The following DNAH8 variants were observed in gnomAD, a reference collection of about 807,000 sequenced individuals.
DNAH8 encodes axonemal beta dynein heavy chain 8.
In DNAH8, 382 loss-of-function variants were observed where a neutral mutation model predicts 562.1. The observed-to-expected ratio is 0.68, with a 90% CI of 0.63 to 0.74. The LOEUF is 0.74. Ranked by LOEUF, DNAH8 falls within the 30% of genes least tolerant of loss-of-function variation. The probability of loss-of-function intolerance (pLI) is 0.00; values close to 1 mark genes in which losing one functional copy is unlikely to be tolerated. For missense variants in DNAH8, 5,203 were observed against 5,620.4 expected, an observed-to-expected ratio of 0.93 and a Z score of 2.37; for synonymous variants, 1,881 against 1,919.4, an observed-to-expected ratio of 0.98 and a Z score of 0.52.
At chr6:38,955,709 G>A (rs1762200935) in intron 82 of DNAH8, among the ~76,000 whole-genome samples, 1 of 152,124 alleles carries the variant, frequency 6.6e-6, no homozygotes, top group African/African-American at 2.4e-5. Context: ...TCAGCAAGAT[G>A]TCTCATATCC....
At chr6:38,815,380 C>T in intron 25 of DNAH8, 88 bp from the exon 26 acceptor site, 1 of 1,080,630 alleles carries the variant, frequency 9.3e-7, no homozygotes, top group Non-Finnish European at 1.4e-6. Flanking sequence ...CGAGGCTTGC[C>T]CCACTCAGTG....
chr6:38,823,999 CA>C (rs1176027707), intron 28 of DNAH8, among the ~76,000 whole-genome samples: 1 of 152,238 alleles, frequency 6.6e-6, no homozygotes, highest in East Asian at 1.9e-4. Context: ...CCTCCACTGG[CA>C]GTCAAACAGC....
At chr6:38,932,216 A>ACACACACACACCCC (rs375631180) in intron 76 of DNAH8, among the ~76,000 whole-genome samples, 8 of 145,638 alleles carry the variant, frequency 5.5e-5, no homozygotes, top group African/African-American at 1.9e-4. Context: ...ACACACACAC[A>ACACACACACACCCC]CCCGTCTCTT....
intron 65 of DNAH8, 46 bp downstream of exon 65, chr6:38,909,790 T>C (rs1424544002): frequency 6.3e-6 from 9 of 1,437,802 alleles, no homozygotes; most frequent in African/African-American, 2.8e-5. Context: ...CCACAGCATG[T>C]ATTCCCAAGA....
chr6:38,959,432 T>C (rs1033537397), intron 82 of DNAH8, among the ~76,000 whole-genome samples: 3 of 150,684 alleles, frequency 2.0e-5, no homozygotes, highest in African/African-American at 4.9e-5. Context: ...AGTTGTAGGA[T>C]ACAAAGTCAA....
intron 87 of DNAH8, among the ~76,000 whole-genome samples, chr6:38,985,150 C>T (rs1561944127): frequency 6.6e-6 from 1 of 152,128 alleles, no homozygotes; most frequent in Non-Finnish European, 1.5e-5. Context: ...AAATAAAATC[C>T]ACATATAACA....
rs1277321887 is a variant in DNAH8 at position 38,790,307 on chromosome 6, C to T, written c.2683C>T (p.Gln895Ter). ...TTTCTAGGTGGAATCTGTGTTGAGG[C>T]AAGGACTCACAGTGTTAACATGGTC... is the stretch of plus-strand genomic sequence containing the variant. ...KMKKVESVLR[Q>*]GLTVLTWSSL... Residue 895 changes from glutamine to a stop codon, truncating the protein, a stop_gained, in exon 20 of 93, where the codon CAA becomes TAA. Transcript: ENST00000327475. LOFTEE classifies it high-confidence loss of function. 6.2e-7 allele frequency: 1 copy of T among 1,606,310 alleles called. No individual in the cohort carries two copies. The highest frequency in any genetic ancestry group is 8.5e-7 in the Non-Finnish European group (1 of 1,175,898).
At chr6:38,752,802 T>C (rs1765577712) in intron 9 of DNAH8, among the ~76,000 whole-genome samples, 1 of 152,204 alleles carries the variant, frequency 6.6e-6, no homozygotes, top group African/African-American at 2.4e-5. Context: ...AGGAATCCAT[T>C]ATCCATCAGG....
intron 21 of DNAH8, among the ~76,000 whole-genome samples, chr6:38,794,108 T>C (rs922237754): frequency 2.0e-5 from 3 of 152,218 alleles, no homozygotes; most frequent in African/African-American, 7.2e-5. Context: ...CCCAAACCTA[T>C]GTAAGGGTAA....
intron 11 of DNAH8, among the ~76,000 whole-genome samples, chr6:38,766,859 A>C (rs1474169495): frequency 6.6e-6 from 1 of 152,168 alleles, no homozygotes; most frequent in Non-Finnish European, 1.5e-5. Context: ...ATAAAACTGG[A>C]AAAAAATAAA....
intron 16 of DNAH8, among the ~76,000 whole-genome samples, chr6:38,781,734 G>A (rs1422365560): frequency 6.6e-6 from 1 of 152,168 alleles, no homozygotes; most frequent in African/African-American, 2.4e-5. Flanking sequence ...ATAGGTCACT[G>A]ATACATACTC....
intron 33 of DNAH8, 97 bp downstream of exon 33, chr6:38,838,139 C>A: frequency 1.3e-6 from 1 of 748,044 alleles, no homozygotes; most frequent in Non-Finnish European, 2.2e-6. Flanking sequence ...ATGCAGAGGA[C>A]ACTACAGCTT....
intron 1 of DNAH8, among the ~76,000 whole-genome samples, chr6:38,718,189 T>C (rs1762486513): frequency 6.6e-6 from 1 of 152,200 alleles, no homozygotes; most frequent in Admixed American, 6.5e-5. Context: ...GTCTGTGTGT[T>C]TTCTTGCTTG....
intron 83 of DNAH8, among the ~76,000 whole-genome samples, chr6:38,973,048 A>G (rs1045121213): frequency 2.0e-5 from 3 of 152,262 alleles, no homozygotes; most frequent in South Asian, 2.1e-4. Flanking sequence ...TAAAGAAACT[A>G]TGTTCTCACA....
chr6:38,983,201 G>A (rs1237139306), intron 86 of DNAH8, among the ~76,000 whole-genome samples: 3 of 152,198 alleles, frequency 2.0e-5, no homozygotes, highest in South Asian at 2.1e-4. Context: ...TTGTTTCTGT[G>A]AGGAACGAAT....
chr6:38,972,879 G>A (rs1009348849), intron 83 of DNAH8, among the ~76,000 whole-genome samples: 4 of 152,132 alleles, frequency 2.6e-5, no homozygotes, highest in Non-Finnish European at 5.9e-5. Context: ...TGTATAGACG[G>A]CACATCCCCT....
At chr6:39,007,563 G>C (rs949179733) in intron 88 of DNAH8, among the ~76,000 whole-genome samples, 4 of 152,174 alleles carry the variant, frequency 2.6e-5, no homozygotes, top group Non-Finnish European at 5.9e-5. Flanking sequence ...TGTCACACCT[G>C]GCTAGGGAAA....
chr6:38,874,038 T>TTTC (rs147664774), intron 52 of DNAH8, among the ~76,000 whole-genome samples: 711 of 21,016 alleles, frequency 0.034, 174 homozygotes, highest in East Asian at 0.3. Context: ...TTTTCTTTTC[T>TTTC]TTTCTTTCTT....
intron 68 of DNAH8, among the ~76,000 whole-genome samples, chr6:38,915,774 G>A (rs926448063): frequency 2.0e-5 from 3 of 152,084 alleles, no homozygotes; most frequent in Non-Finnish European, 4.4e-5. Context: ...ATCCACAGCT[G>A]TGAGGCAAAA....
Sources: gnomAD v4.1 joint callset for allele counts (sites outside exome capture counted in the v4.1 genomes callset) on GRCh38, gnomAD v4.1.1 for gene constraint, MANE v1.5 for transcripts, NCBI Gene and HGNC (gene_info 2026-07-23, HGNC 2026-07-21) for gene names.